LIMA1: variants seen among roughly 807,000 people sequenced by gnomAD.
LIMA1 encodes the protein LIM domain and actin-binding protein 1.
A neutral mutation model predicts 62.6 loss-of-function variants in LIMA1; 52 were observed. The ratio of observed to expected loss-of-function variants is 0.83; its 90% CI spans 0.67 to 1.05. LIMA1 has a LOEUF of 1.05. Ranked by LOEUF, LIMA1 falls within the 50% of genes least tolerant of loss-of-function variation. The probability of loss-of-function intolerance (pLI) is 0.00; values close to 1 mark genes in which losing one functional copy is unlikely to be tolerated. For synonymous variants in LIMA1, 302 were observed against 317.8 expected (o/e 0.95, Z 0.53); for missense variants, 780 against 902.2 (o/e 0.86, Z 1.74).
At chr12:50,282,434 C>T (rs138832279) in intron 1 of LIMA1, among the ~76,000 whole-genome samples, 14 of 152,198 alleles carry the variant, frequency 9.2e-5, no homozygotes, top group Non-Finnish European at 2.1e-4. Context: ...CTGATAACTC[C>T]CTAATTACCT....
intron 1 of LIMA1, 117 bp from the exon 2 acceptor site, chr12:50,248,891 C>T (rs1941888962): frequency 3.1e-6 from 2 of 645,284 alleles, no homozygotes; most frequent in African/African-American, 1.8e-5. Context: ...CACTGTTCTC[C>T]CCCAAACTGT....
At chr12:50,225,014 T>G (rs1476134065) in intron 3 of LIMA1, among the ~76,000 whole-genome samples, 1 of 150,726 alleles carries the variant, frequency 6.6e-6, no homozygotes, top group Non-Finnish European at 1.5e-5. Flanking sequence ...GCAATTCTCA[T>G]GCCTCAGCCT....
intron 1 of LIMA1, among the ~76,000 whole-genome samples, chr12:50,257,823 C>T (rs568258637): frequency 8.5e-5 from 13 of 152,296 alleles, no homozygotes; most frequent in African/African-American, 2.9e-4. Flanking sequence ...TGGCAGTATG[C>T]CACAAGATGA....
At chr12:50,185,498 C>T (rs1253089462) in intron 9 of LIMA1, 1 of 455,862 alleles carries the variant, frequency 2.2e-6, no homozygotes, top group African/African-American at 2.0e-5. Flanking sequence ...ATTTGGCGTG[C>T]CCTGGAGAGC....
intron 9 of LIMA1, among the ~76,000 whole-genome samples, chr12:50,183,559 A>G (rs1276981128): frequency 6.6e-6 from 1 of 152,090 alleles, no homozygotes; most frequent in Non-Finnish European, 1.5e-5. Flanking sequence ...CACGCCCATA[A>G]TCCCACACTT....
chr12:50,238,058 TCTTA>T (rs1941721410), intron 2 of LIMA1, among the ~76,000 whole-genome samples: 1 of 152,238 alleles, frequency 6.6e-6, no homozygotes, highest in Non-Finnish European at 1.5e-5. Flanking sequence ...CGTTTTTCTT[TCTTA>T]TTCTTGTTTT....
At chr12:50,230,294 C>T (rs1941590249) in intron 3 of LIMA1, among the ~76,000 whole-genome samples, 1 of 152,220 alleles carries the variant, frequency 6.6e-6, no homozygotes, top group African/African-American at 2.4e-5. Flanking sequence ...CCTCGGCCTC[C>T]CAAAGTGCTG....
chr12:50,264,471 C>CA (rs1041200792), intron 1 of LIMA1, among the ~76,000 whole-genome samples: 20 of 152,342 alleles, frequency 1.3e-4, no homozygotes, highest in South Asian at 6.2e-4. Context: ...GTGGCCCCCC[C>CA]AGGGCTCACC....
intron 2 of LIMA1, among the ~76,000 whole-genome samples, chr12:50,243,816 G>T: frequency 6.6e-6 from 1 of 152,066 alleles, no homozygotes; most frequent in Admixed American, 6.5e-5. Flanking sequence ...ACTTCAGCAG[G>T]TTACTTCCTT....
Position 50,200,811 on chromosome 12 carries a change from G to C in LIMA1, c.938C>G (p.Pro313Arg). ...MEQKENVPPG[P>R]EVCITHQEGE... ...TTCCTGATGGGTGATGCAGACCTCA[G>C]GACCTGGGGGCACATTCTCCTTTTG... Residue 313 changes from proline (P) to arginine (R), a missense_variant, in exon 7 of 11, where the codon CCT (proline) becomes CGT (arginine). Transcript: ENST00000341247. 2 of 1,614,146 alleles carry C rather than the reference G, an allele frequency of 1.2e-6. No individual in the cohort carries two copies. Among genetic ancestry groups the C allele is most frequent in the Non-Finnish European group, 1.7e-6 (2 of 1,180,028 alleles).
intron 1 of LIMA1, among the ~76,000 whole-genome samples, chr12:50,280,144 ATTTTTT>A (rs71441354): frequency 2.3e-4 from 16 of 68,310 alleles, no homozygotes; most frequent in African/African-American, 8.4e-4. Context: ...GGGTAGTAGT[ATTTTTT>A]TTTTTTTTTT....
chr12:50,221,673 TCAG>T (rs1941443836), intron 4 of LIMA1, among the ~76,000 whole-genome samples: 1 of 152,194 alleles, frequency 6.6e-6, no homozygotes, highest in Non-Finnish European at 1.5e-5. Context: ...AGAGAGCTAT[TCAG>T]CAGTAATTCC....
intron 1 of LIMA1, among the ~76,000 whole-genome samples, chr12:50,263,795 G>A (rs1392985069): frequency 1.4e-5 from 2 of 141,902 alleles, no homozygotes; most frequent in African/African-American, 5.5e-5. Context: ...CTGTGTGTGT[G>A]TGTGTGTGTG....
intron 1 of LIMA1, among the ~76,000 whole-genome samples, chr12:50,263,826 T>TAGAGAGAGAGTATATATATATATAGAGAG (rs140497543): frequency 8.2e-6 from 1 of 121,980 alleles, no homozygotes; most frequent in African/African-American, 3.1e-5. Flanking sequence ...TATATATATA[T>TAGAGAGAGAGTATATATATATATAGAGAG]AGAGAGAGTA....
chr12:50,177,461 C>G lies in LIMA1; in HGVS notation c.1883G>C (p.Gly628Ala). The change falls in exon 11 of 11, where the codon GGA becomes GCA. Residue 628 changes from glycine to alanine, a missense_variant. Physicochemically the swap from Gly to Ala is moderately conservative, Grantham distance 60. Transcript: ENST00000341247. Reference protein sequence around the residue: ...MSEQSEESVGGRVAERKQVEN... With the variant: ...MSEQSEESVGARVAERKQVEN... ...CACTTGTTTCCTTTCTGCAACTCTTCCACCCACAGACTCTTCACTCTGCTC... is the reference window on the plus strand; with the variant it reads ...CACTTGTTTCCTTTCTGCAACTCTTGCACCCACAGACTCTTCACTCTGCTC... The G allele has an allele frequency of 6.2e-7, 1 of 1,614,152 alleles. No homozygotes were observed. Among genetic ancestry groups the G allele is most frequent in the South Asian group, 1.1e-5 (1 of 91,090 alleles).
chr12:50,198,499 A>G (rs2138457346), intron 7 of LIMA1, among the ~76,000 whole-genome samples: 1 of 152,326 alleles, frequency 6.6e-6, no homozygotes, highest in African/African-American at 2.4e-5. Context: ...GGCTACAGTG[A>G]GCTATGATCA....
At chr12:50,230,562 C>CT (rs1209125667) in intron 3 of LIMA1, among the ~76,000 whole-genome samples, 1 of 151,918 alleles carries the variant, frequency 6.6e-6, no homozygotes, top group Non-Finnish European at 1.5e-5. Context: ...GTAGTTTTTT[C>CT]TTTTTTTCTT....
chr12:50,199,595 C>A (rs1386356294), intron 7 of LIMA1, among the ~76,000 whole-genome samples: 1 of 152,076 alleles, frequency 6.6e-6, no homozygotes, highest in Non-Finnish European at 1.5e-5. Context: ...GATAGCTGAC[C>A]TCTTATTAAT....
At chr12:50,226,320 G>A (rs1200045285) in intron 3 of LIMA1, among the ~76,000 whole-genome samples, 1 of 152,246 alleles carries the variant, frequency 6.6e-6, no homozygotes, top group East Asian at 1.9e-4. Flanking sequence ...GGGATCACAG[G>A]TGTGAGCTAC....
Sources: allele counts gnomAD v4.1 joint callset (sites outside exome capture counted in the v4.1 genomes callset), GRCh38; gene constraint gnomAD v4.1.1; transcripts MANE v1.5; gene names NCBI Gene and HGNC (gene_info 2026-07-23, HGNC 2026-07-21).